The following CDH18 variants were observed in gnomAD, a reference collection of about 807,000 sequenced individuals.
The protein encoded by CDH18 is cadherin 18.
A neutral mutation model predicts 67.9 loss-of-function variants in CDH18; 31 were observed. The ratio of observed to expected loss-of-function variants is 0.46; its 90% CI spans 0.34 to 0.62. The LOEUF is 0.62. CDH18 is among the 20% of genes least tolerant of loss of function. CDH18 has a pLI of 0.01. For synonymous variants in CDH18, 362 were observed against 347.2 expected (o/e 1.04, Z -0.48); for missense variants, 890 against 975.5 (o/e 0.91, Z 1.17).
chr5:19,959,731 T>C (rs2150296318), intron 2 of CDH18, among the ~76,000 whole-genome samples: 1 of 152,212 alleles, frequency 6.6e-6, no homozygotes, highest in East Asian at 1.9e-4. Flanking sequence ...ATGACAGGAA[T>C]GTGTTCTGAG....
chr5:20,049,291 C>T (rs539356561), intron 2 of CDH18, among the ~76,000 whole-genome samples: 1 of 151,280 alleles, frequency 6.6e-6, no homozygotes, highest in African/African-American at 2.4e-5. Flanking sequence ...AAAAACAAGA[C>T]AAAACAACAG....
intron 2 of CDH18, among the ~76,000 whole-genome samples, chr5:19,858,504 A>G (rs1237228905): frequency 2.0e-5 from 3 of 152,204 alleles, no homozygotes; most frequent in Non-Finnish European, 4.4e-5. Context: ...AGGAGCATAT[A>G]AACGAACTCA....
rs141843895 is a variant in CDH18, at chr5:20,045,639, T to C, written c.-517-53625A>G. On this transcript the variant is annotated intron_variant, in intron 2 of 14. Transcript: ENST00000507958. Reference sequence around the variant, plus strand: ...TAGATTTTATAGAGAAGATAAGGGATAGGTAAGGAAATAGAGAGTGGCAGA... The same window carrying C: ...TAGATTTTATAGAGAAGATAAGGGACAGGTAAGGAAATAGAGAGTGGCAGA... Among the ~76,000 whole-genome samples, 402 of 151,868 alleles carry C rather than the reference T, an allele frequency of 2.6e-3. 2 individuals carry two copies. The highest frequency in any genetic ancestry group is 9.2e-3 in the African/African-American group (381 of 41,432).
chr5:19,826,824 C>A (rs1466383903), intron 3 of CDH18, among the ~76,000 whole-genome samples: 1 of 151,010 alleles, frequency 6.6e-6, no homozygotes, highest in Non-Finnish European at 1.5e-5. Flanking sequence ...ACTACACAAT[C>A]AAATCTGCAT....
At chr5:20,399,514 G>T (rs560962298) in intron 1 of CDH18, among the ~76,000 whole-genome samples, 2 of 152,254 alleles carry the variant, frequency 1.3e-5, no homozygotes, top group Admixed American at 1.3e-4. Context: ...ATTATTATGT[G>T]ATGTGAGAAA....
rs10654722 is a variant in CDH18 at position 19,987,253 on chromosome 5, AACACACACAC to A, written c.-376+823_-376+832del. ...TGCCTAGAGCCACATCTGTACAGAC[AACACACACAC>A]ACACACACACACACACACACACACA... On this transcript the variant is annotated intron_variant, in intron 1 of 12. Coordinates refer to ENST00000382275, the MANE Select transcript of CDH18 (RefSeq NM_004934.5). 3.8e-3 allele frequency among the ~76,000 whole-genome samples: 552 copies of A among 144,438 alleles called. 2 individuals are homozygous for A. The highest frequency in any genetic ancestry group is 0.013 in the African/African-American group (508 of 39,428). 94.8% of individuals were successfully genotyped at this position (144,438 alleles called of 152,430 possible).
At chr5:19,551,782 T>C (rs1355223312) in intron 8 of CDH18, among the ~76,000 whole-genome samples, 1 of 152,170 alleles carries the variant, frequency 6.6e-6, no homozygotes, top group African/African-American at 2.4e-5. Flanking sequence ...GGGTTACTAC[T>C]GAATAAACAA....
At chr5:19,765,852 A>G (rs1773011993) in intron 3 of CDH18, among the ~76,000 whole-genome samples, 1 of 149,580 alleles carries the variant, frequency 6.7e-6, no homozygotes, top group South Asian at 2.1e-4. Context: ...AGTTAAGTTC[A>G]TTAAAAATGG....
At chr5:20,052,960 T>A (rs1472243347) in intron 2 of CDH18, among the ~76,000 whole-genome samples, 1 of 152,022 alleles carries the variant, frequency 6.6e-6, no homozygotes, top group Non-Finnish European at 1.5e-5. Context: ...GCCTGAAGAA[T>A]CCCTGAGCAG....
intron 3 of CDH18, among the ~76,000 whole-genome samples, chr5:19,835,616 G>A (rs1781538538): frequency 6.6e-6 from 1 of 151,986 alleles, no homozygotes; most frequent in Admixed American, 6.6e-5. Context: ...ATTATTTTAA[G>A]CATATAGTAA....
intron 3 of CDH18, among the ~76,000 whole-genome samples, chr5:19,748,179 A>C (rs553722088): frequency 3.2e-4 from 46 of 142,732 alleles, no homozygotes; most frequent in African/African-American, 1.0e-3. Flanking sequence ...AGGGATTATA[A>C]AACTTTAACT....
At chr5:19,687,779 A>G (rs928962464) in intron 5 of CDH18, among the ~76,000 whole-genome samples, 5 of 152,140 alleles carry the variant, frequency 3.3e-5, no homozygotes, top group African/African-American at 1.2e-4. Flanking sequence ...AGAAGACCCA[A>G]TCCTCCAGAA....
At chr5:19,543,840 C>A (rs1735832464) in intron 9 of CDH18, 29 bp downstream of exon 9, 5 of 1,517,426 alleles carry the variant, frequency 3.3e-6, no homozygotes, top group Non-Finnish European at 4.5e-6. Flanking sequence ...CAAGTGACAT[C>A]TTTTACTGTG....
intron 2 of CDH18, among the ~76,000 whole-genome samples, chr5:20,243,497 T>C (rs1018667968): frequency 6.6e-6 from 1 of 152,064 alleles, no homozygotes; most frequent in East Asian, 1.9e-4. Context: ...AACAAAGACA[T>C]TTTTTCACAT....
intron 2 of CDH18, among the ~76,000 whole-genome samples, chr5:20,137,514 G>A (rs188108646): frequency 2.6e-5 from 4 of 152,064 alleles, no homozygotes; most frequent in Admixed American, 2.6e-4. Flanking sequence ...TAGCTGCTTT[G>A]TAATGGGTTC....
At chr5:20,204,714 A>T (rs1739739168) in intron 2 of CDH18, among the ~76,000 whole-genome samples, 1 of 152,044 alleles carries the variant, frequency 6.6e-6, no homozygotes, top group African/African-American at 2.4e-5. Context: ...GGTAGGCAAT[A>T]TGCAAATATG....
chr5:20,243,279 T>A (rs1743128757), intron 2 of CDH18, among the ~76,000 whole-genome samples: 1 of 152,184 alleles, frequency 6.6e-6, no homozygotes, highest in African/African-American at 2.4e-5. Flanking sequence ...TTTGTAAAGT[T>A]ACCTAACTAG....
At chr5:19,584,807 AAAAAAG>A (rs1743875124) in intron 7 of CDH18, among the ~76,000 whole-genome samples, 1 of 148,462 alleles carries the variant, frequency 6.7e-6, no homozygotes, top group African/African-American at 2.5e-5. Context: ...AAAAAAAAAA[AAAAAAG>A]AAAAAAAGAA....
At chr5:20,216,243 G>T (rs957907056) in intron 2 of CDH18, among the ~76,000 whole-genome samples, 1 of 151,914 alleles carries the variant, frequency 6.6e-6, no homozygotes, top group African/African-American at 2.4e-5. Flanking sequence ...GTGTGACAGA[G>T]ACTCAGTGTG....
Sources: allele counts gnomAD v4.1 joint callset (sites outside exome capture counted in the v4.1 genomes callset), GRCh38; gene constraint gnomAD v4.1.1; transcripts MANE v1.5; gene names NCBI Gene and HGNC (gene_info 2026-07-23, HGNC 2026-07-21).